Variants in MAP3K9 observed in about 807,000 individuals in gnomAD.
The protein encoded by MAP3K9 is mixed lineage kinase 1 (tyr and ser/thr specificity).
In MAP3K9, 46 loss-of-function variants were observed where a neutral mutation model predicts 95.8. The ratio of observed to expected loss-of-function variants is 0.48; its 90% CI spans 0.38 to 0.61. MAP3K9 has a LOEUF of 0.61. MAP3K9 is among the 20% of genes least tolerant of loss of function. The pLI is 0.00. For synonymous variants in MAP3K9, 533 were observed against 593.8 expected, an observed-to-expected ratio of 0.90 and a Z score of 1.49; for missense variants, 1,296 against 1,474.3, an observed-to-expected ratio of 0.88 and a Z score of 1.98.
At chr14:70,770,869 G>A (rs558200072) in intron 2 of MAP3K9, among the ~76,000 whole-genome samples, 83 of 152,052 alleles carry the variant, frequency 5.5e-4, no homozygotes, top group South Asian at 1.5e-3. Flanking sequence ...CCCCTGCTTC[G>A]GTGGTGTGTA....
At chr14:70,780,951 G>A (rs2054667922) in intron 2 of MAP3K9, among the ~76,000 whole-genome samples, 1 of 152,194 alleles carries the variant, frequency 6.6e-6, no homozygotes, top group Admixed American at 6.5e-5. Flanking sequence ...GGCTCTCCAG[G>A]GCCTTGTATC....
At chr14:70,748,374 T>C (rs1349811311) in intron 5 of MAP3K9, among the ~76,000 whole-genome samples, 1 of 152,180 alleles carries the variant, frequency 6.6e-6, no homozygotes, top group Non-Finnish European at 1.5e-5. Context: ...TGAAATACTT[T>C]TCATAAAAAC....
chr14:70,767,157 G>A (rs1343105796), intron 2 of MAP3K9, among the ~76,000 whole-genome samples: 3 of 152,058 alleles, frequency 2.0e-5, no homozygotes, highest in Admixed American at 6.6e-5. Flanking sequence ...GCTGAGGTGG[G>A]CGGGTCACCT....
In MAP3K9 at chr14:70,803,356, A is replaced by AAAC. The variant is rs1195460854; in HGVS notation, c.407-2277_407-2276insGTT. Among the ~76,000 whole-genome samples the AAAC allele has an allele frequency of 7.6e-3, 1,139 of 150,640 alleles. 4 individuals carry two copies. The highest frequency in any genetic ancestry group is 0.014 in the Non-Finnish European group (930 of 67,358). On this transcript the variant is annotated intron_variant, in intron 1 of 11. Coordinates refer to ENST00000554752, the MANE Select transcript of MAP3K9 (RefSeq NM_001284230.2). ...AGATCTTAAAAAAAAAAAAAAAAAA[A>AAAC]AAAAAACTGAACTGGAACTAGACCT...
rs115310896 is a variant in MAP3K9 at position 70,793,912 on chromosome 14, T to C, written c.820+6755A>G. ...TTTAAACTGACTCACCCTGGCTGGA[T>C]GGCAGTTGAACTTGCAGCCATTAGA... On this transcript the variant is annotated intron_variant, in intron 2 of 11. Coordinates refer to ENST00000554752, the MANE Select transcript of MAP3K9 (RefSeq NM_001284230.2). Among the ~76,000 whole-genome samples, 1,186 of 152,368 alleles carry C rather than the reference T, an allele frequency of 7.8e-3. 16 individuals carry two copies. Among genetic ancestry groups the C allele is most frequent in the African/African-American group, 0.027 (1,108 of 41,594 alleles).
At chr14:70,741,524 T>C (rs1358451531) in intron 6 of MAP3K9, among the ~76,000 whole-genome samples, 1 of 152,228 alleles carries the variant, frequency 6.6e-6, no homozygotes, top group African/African-American at 2.4e-5. Context: ...ACAAAGATTC[T>C]AATTAATAGT....
Position 70,748,848 on chromosome 14 carries a change from T to A in MAP3K9, c.1307A>T (p.Gln436Leu). 6.2e-7 allele frequency: 1 copy of A among 1,612,088 alleles called. No individual in the cohort carries two copies. Among genetic ancestry groups the A allele is most frequent in the East Asian group, 2.2e-5 (1 of 44,878 alleles). Residue 436 changes from glutamine (Q) to leucine (L), a missense_variant, in exon 5 of 12, where the codon CAA becomes CTA. Physicochemically the swap from Gln to Leu is moderately radical, Grantham distance 113. Coordinates refer to ENST00000554752, the MANE Select transcript of MAP3K9 (RefSeq NM_001284230.2). ...WKHEIQEMFD[Q>L]LRAKEKELRT... is the part of the protein sequence containing the mutation. ...GTTTACCTTTTCTTTGGCCCTGAGTTGGTCAAACATCTCCTGAATCTCGTG... is the reference window on the plus strand; with the variant it reads ...GTTTACCTTTTCTTTGGCCCTGAGTAGGTCAAACATCTCCTGAATCTCGTG...
intron 2 of MAP3K9, among the ~76,000 whole-genome samples, chr14:70,794,436 T>C (rs1398541744): frequency 1.3e-5 from 2 of 152,022 alleles, no homozygotes; most frequent in Non-Finnish European, 2.9e-5. Context: ...ACTAAAGCAC[T>C]AGGCCACACA....
intron 9 of MAP3K9, among the ~76,000 whole-genome samples, chr14:70,734,808 T>A (rs1045371091): frequency 5.3e-5 from 8 of 152,174 alleles, no homozygotes; most frequent in African/African-American, 1.9e-4. Context: ...CTGGGGGTCT[T>A]GCCTGAGCCC....
At chr14:70,767,383 CAAAAAAAAAAAAAA>C (rs67534847) in intron 2 of MAP3K9, among the ~76,000 whole-genome samples, 2 of 65,328 alleles carry the variant, frequency 3.1e-5, no homozygotes, top group Admixed American at 1.8e-4. Context: ...CACTCAGTCT[CAAAAAAAAAAAAAA>C]AAAAAAAAAA....
intron 2 of MAP3K9, among the ~76,000 whole-genome samples, chr14:70,796,605 C>T (rs1207105774): frequency 6.6e-6 from 1 of 152,166 alleles, no homozygotes; most frequent in Non-Finnish European, 1.5e-5. Context: ...GATGGCCAGG[C>T]GACCACACTC....
rs564950962 is a variant in MAP3K9, at chr14:70,740,095, C to A, written c.1637G>T (p.Arg546Leu). 3 of 1,614,070 alleles carry A rather than the reference C, an allele frequency of 1.9e-6. No homozygotes were observed. Among genetic ancestry groups the A allele is most frequent in the East Asian group, 4.5e-5 (2 of 44,884 alleles). Residue 546 changes from arginine (R) to leucine (L), a missense_variant, in exon 7 of 12, where the codon CGC (arginine) becomes CTC (leucine). Around this residue, in one of 5 missense-constraint regions of MAP3K9, gnomAD observed 377 missense variants for 417.1 expected, o/e 0.90. Coordinates refer to ENST00000554752, the MANE Select transcript of MAP3K9 (RefSeq NM_001284230.2). ...MDKRKSLINS[R>L]SSPPASPTII... Reference sequence around the variant, plus strand: ...GGTGGGGCTTGCAGGAGGACTGGAGCGGCTGTTGATAAGACTCTTCCTTTT... The same window carrying A: ...GGTGGGGCTTGCAGGAGGACTGGAGAGGCTGTTGATAAGACTCTTCCTTTT...
intron 3 of MAP3K9, among the ~76,000 whole-genome samples, chr14:70,754,917 A>G (rs1056260610): frequency 7.9e-5 from 12 of 152,234 alleles, no homozygotes; most frequent in Non-Finnish European, 1.3e-4. Flanking sequence ...GAACAATTTC[A>G]GCAATAGCCT....
In MAP3K9 at chr14:70,729,018, T is replaced by G. The variant is rs557568145; in HGVS notation, c.*1362A>C. On this transcript the variant is annotated 3_prime_UTR_variant, in exon 12 of 12. Transcript: ENST00000554752. ...GAAAGCTTTAGAGGAAGCTCAACAT[T>G]CAAGTTAAGGAAACAACTTCCAGGA... The G allele has an allele frequency of 6.6e-6, 1 of 152,334 alleles. No homozygotes were observed. Among genetic ancestry groups the G allele is most frequent in the South Asian group, 2.1e-4 (1 of 4,818 alleles). The allele number at this position is 152,334 out of a possible 1,614,324, so 9.4% of individuals were successfully genotyped here. A position where few individuals can be genotyped will look rare whatever the true frequency, so the allele number is the denominator to read the frequency against.
At position 70,723,385 on chromosome 14, in the gene MAP3K9, A is replaced by G. The variant is rs2139678897; in HGVS notation, c.*6995T>C. The G allele has an allele frequency of 6.6e-6, 1 of 152,502 alleles. No homozygotes were observed. Among genetic ancestry groups the G allele is most frequent in the South Asian group, 2.1e-4 (1 of 4,822 alleles). 9.4% of individuals were successfully genotyped at this position (152,502 alleles called of 1,614,324 possible). ...TCAAACCCCTGGAGTCATGGAGAGGAAACAGGGCGAGGAAGGCAGCCAGCA... is the reference window on the plus strand; with the variant it reads ...TCAAACCCCTGGAGTCATGGAGAGGGAACAGGGCGAGGAAGGCAGCCAGCA... On this transcript the variant is annotated 3_prime_UTR_variant, in exon 12 of 12. Transcript: ENST00000554752.
intron 2 of MAP3K9, among the ~76,000 whole-genome samples, chr14:70,767,647 T>A (rs1220090849): frequency 6.6e-6 from 1 of 152,092 alleles, no homozygotes; most frequent in East Asian, 1.9e-4. Flanking sequence ...TCTCAGCTTA[T>A]CTCAACGGCC....
rs1047797096 is a variant in MAP3K9, at chr14:70,724,126, C to T, written c.*6254G>A. 6.6e-6 allele frequency: 1 copy of T among 152,166 alleles called. No individual in the cohort carries two copies. Among genetic ancestry groups the T allele is most frequent in the African/African-American group, 2.4e-5 (1 of 41,426 alleles). 9.4% of individuals were successfully genotyped at this position (152,166 alleles called of 1,614,324 possible). A position where few individuals can be genotyped will look rare whatever the true frequency, so the allele number is the denominator to read the frequency against. ...GACGAGAGAATGAATGAAGTTCATT[C>T]ACTTCTGGAATTCAAACATGTTCCA... On this transcript the variant is annotated 3_prime_UTR_variant, in exon 12 of 12. Transcript: ENST00000554752.
In MAP3K9 at chr14:70,728,155, C is replaced by CT. The variant is rs1345682573; in HGVS notation, c.*2224dup. ...TTTTTTTTTGAGACAGAGTTTCTCT[C>CT]TTGTTGCCCAGGCTGGAGTGCAATG... On this transcript the variant is annotated 3_prime_UTR_variant, in exon 12 of 12. Coordinates refer to ENST00000554752, the MANE Select transcript of MAP3K9 (RefSeq NM_001284230.2). 1 of 107,488 alleles carries CT rather than the reference C, an allele frequency of 9.3e-6. No homozygotes were observed. The highest frequency in any genetic ancestry group is 1.8e-5 in the Non-Finnish European group (1 of 55,686). 6.7% of individuals were successfully genotyped at this position (107,488 alleles called of 1,614,324 possible). A position where few individuals can be genotyped will look rare whatever the true frequency, so the allele number is the denominator to read the frequency against.
chr14:70,808,777 G>T lies in MAP3K9; in HGVS notation c.395C>A (p.Pro132Gln), dbSNP rs772365254. 7.6e-6 allele frequency: 12 copies of T among 1,572,840 alleles called. No individual in the cohort carries two copies. Among genetic ancestry groups the T allele is most frequent in the East Asian group, 2.4e-5 (1 of 41,980 alleles). ...CGCCTTCGCCTTACACTGAATGGGCGGGTAGCAACTGGGGTCCTCGCCGCC... is the reference window on the plus strand; with the variant it reads ...CGCCTTCGCCTTACACTGAATGGGCTGGTAGCAACTGGGGTCCTCGCCGCC... Reference protein sequence around the residue: ...QPGGEDPSCYPPIQLLEIDFA... With the variant: ...QPGGEDPSCYQPIQLLEIDFA... The change falls in exon 1 of 12, where the codon CCG becomes CAG. Residue 132 changes from proline (P) to glutamine (Q), a missense_variant. Physicochemically the swap from Pro to Gln is moderately conservative, Grantham distance 76. Around this residue, in one of 5 missense-constraint regions of MAP3K9, gnomAD observed 338 missense variants for 363.4 expected, o/e 0.93. Transcript: ENST00000554752.
Sources: gnomAD v4.1 joint callset for allele counts (sites outside exome capture counted in the v4.1 genomes callset) on GRCh38, gnomAD v4.1.1 for gene constraint, gnomAD v4.1.1 regional missense constraint, MANE v1.5 for transcripts, NCBI Gene and HGNC (gene_info 2026-07-23, HGNC 2026-07-21) for gene names.